The following ZNF296 variants were observed in gnomAD, a reference collection of about 807,000 sequenced individuals.
The protein encoded by ZNF296 is zinc finger protein 342.
Under a neutral mutation model 13.2 loss-of-function variants are expected in ZNF296, and 1 was observed. The ratio of observed to expected loss-of-function variants is 0.08; its 90% CI spans 0.03 to 0.36. The LOEUF is 0.36. ZNF296 is among the 10% of genes least tolerant of loss of function. ZNF296 has a pLI of 0.99. For missense variants in ZNF296, 555 were observed against 688.2 expected (o/e 0.81, Z 2.16); for synonymous variants, 303 against 289.0 (o/e 1.05, Z -0.49).
At position 45,076,200 on chromosome 19, in the gene ZNF296, C is replaced by A; in HGVS notation, c.174G>T (p.Ser58=). The A allele has an allele frequency of 6.6e-7, 1 of 1,506,116 alleles. No homozygotes were observed. 93.3% of individuals were successfully genotyped at this position (1,506,116 alleles called of 1,614,324 possible). ...LGPFSPKEVS[S]AGRFGGEPHH... The stretch of plus-strand genomic sequence containing the variant: ...GGGGTTCGCCGCCGAACCGCCCCGC[C>A]GAGGACACCTCCTTCGGGGAGAAGG... Residue 58 remains serine, a synonymous_variant, in exon 1 of 3, where the codon TCG becomes TCT. Coordinates refer to ENST00000303809, the MANE Select transcript of ZNF296 (RefSeq NM_145288.3). The surrounding 1 kb of genome is among the most constrained non-coding windows in gnomAD (Gnocchi z 4.9).
Position 45,075,750 on chromosome 19 carries a change from A to G in ZNF296, c.411T>C (p.Cys137=). 6.2e-7 allele frequency: 1 copy of G among 1,614,076 alleles called. No individual in the cohort carries two copies. Among genetic ancestry groups the G allele is most frequent in the Non-Finnish European group, 8.5e-7 (1 of 1,179,994 alleles). ...TAFMDHKKLG[C]QLFRGPSRGQ... ...CGCGGCTGGGGCCTCTGAAGAGCTG[A>G]CAGCCCAGCTTCTTGTGGTCCATGA... Residue 137 remains cysteine (C), a synonymous_variant, in exon 2 of 3, where the codon TGT becomes TGC. Transcript: ENST00000303809.
At chr19:45,072,815 G>T (rs941721409) in intron 2 of ZNF296, among the ~76,000 whole-genome samples, 1 of 152,056 alleles carries the variant, frequency 6.6e-6, no homozygotes, top group Admixed American at 6.6e-5. Flanking sequence ...AGGCTGGGGT[G>T]CAGTGGCACG....
chr19:45,073,902 A>G (rs962973014), intron 2 of ZNF296, among the ~76,000 whole-genome samples: 17 of 150,744 alleles, frequency 1.1e-4, no homozygotes, highest in Admixed American at 3.3e-4. Context: ...CGCGCCTGTA[A>G]TCCCGGCCAC....
chr19:45,075,324 T>TC (rs931065256), intron 2 of ZNF296, among the ~76,000 whole-genome samples: 3 of 151,432 alleles, frequency 2.0e-5, no homozygotes, highest in Admixed American at 2.0e-4. Flanking sequence ...CCACTCCCCC[T>TC]CCCCCCGGCC....
In ZNF296 at chr19:45,072,245, C is replaced by T. The variant is rs372577396; in HGVS notation, c.784G>A (p.Asp262Asn). 59 of 1,613,376 alleles carry T rather than the reference C, an allele frequency of 3.7e-5. No homozygotes were observed. The highest frequency in any genetic ancestry group is 7.7e-5 in the South Asian group (7 of 91,066). Residue 262 changes from aspartate to asparagine, a missense_variant, in exon 3 of 3, where the codon GAC becomes AAC. Transcript: ENST00000303809. ...TGGGCGCAGGCGTAGGGACACTGGT[C>T]GCAAGCATAGGGCCGCTCGCCTGTG... Reference protein sequence around the residue: ...SHTGERPYACDQCPYACAQSS... With the variant: ...SHTGERPYACNQCPYACAQSS...
chr19:45,075,195 C>G (rs2122635942), intron 2 of ZNF296, among the ~76,000 whole-genome samples: 1 of 152,322 alleles, frequency 6.6e-6, no homozygotes, highest in Middle Eastern at 3.4e-3. Context: ...GAGATTCCAT[C>G]ACCGAGGGAA....
Position 45,071,610 on chromosome 19 carries a change from G to C in ZNF296, c.1419C>G (p.Gly473=). Reference sequence around the variant, plus strand: ...GGGGGCTTTCCTGGGCTCAGGCCTCGCCGGCCGCCTCAGGGTGCTTCTGCC... The same window carrying C: ...GGGGGCTTTCCTGGGCTCAGGCCTCCCCGGCCGCCTCAGGGTGCTTCTGCC... The part of the protein sequence containing the change: ...HLRQKHPEAA[G]EA The change falls in exon 3 of 3, where the codon GGC becomes GGG. Residue 473 remains glycine, a synonymous_variant. Transcript: ENST00000303809. 6.6e-7 allele frequency: 1 copy of C among 1,515,108 alleles called. No homozygotes were observed. Among genetic ancestry groups the C allele is most frequent in the Non-Finnish European group, 8.8e-7 (1 of 1,138,910 alleles). The allele number at this position is 1,515,108 out of a possible 1,614,324, so 93.9% of individuals were successfully genotyped here.
chr19:45,075,718 C>T lies in ZNF296; in HGVS notation c.443G>A (p.Gly148Asp). The change falls in exon 2 of 3, where the codon GGC becomes GAC. Residue 148 changes from glycine to aspartate, a missense_variant. Physicochemically the swap from Gly to Asp is moderately conservative, Grantham distance 94. Around this residue, in one of 3 missense-constraint regions of ZNF296, gnomAD observed 410 missense variants for 548.0 expected, o/e 0.75. Transcript: ENST00000303809. Reference protein sequence around the residue: ...QLFRGPSRGQGSEREELKALS... With the variant: ...QLFRGPSRGQDSEREELKALS... ...CTGCACCCGGCTTTACTCACCTGAG[C>T]CCTGGCCGCGGCTGGGGCCTCTGAA... 1 of 1,613,906 alleles carries T rather than the reference C, an allele frequency of 6.2e-7. No homozygotes were observed.
chr19:45,072,906 C>T (rs571177001), intron 2 of ZNF296, among the ~76,000 whole-genome samples: 4 of 152,258 alleles, frequency 2.6e-5, no homozygotes, highest in African/African-American at 7.2e-5. Flanking sequence ...GGATTACAGG[C>T]GCCCGCCACC....
intron 2 of ZNF296, among the ~76,000 whole-genome samples, chr19:45,074,125 A>C (rs1034266532): frequency 6.6e-6 from 1 of 152,056 alleles, no homozygotes; most frequent in African/African-American, 2.4e-5. Context: ...TCAGGAGGCC[A>C]AGGCAGGTGG....
At chr19:45,075,444 G>C (rs752902944) in intron 2 of ZNF296, among the ~76,000 whole-genome samples, 3 of 152,164 alleles carry the variant, frequency 2.0e-5, no homozygotes, top group Non-Finnish European at 2.9e-5. Context: ...TGTGTGTTGG[G>C]GGGGGCAAAA....
chr19:45,075,694 T>G lies in ZNF296; in HGVS notation c.448+19A>C, dbSNP rs1401670129. 28 of 1,611,510 alleles carry G rather than the reference T, an allele frequency of 1.7e-5. No homozygotes were observed. The highest frequency in any genetic ancestry group is 2.4e-5 in the Non-Finnish European group (28 of 1,178,268). ...CAGCCCTCGAACTTGAGAGGGGGAC[T>G]GCACCCGGCTTTACTCACCTGAGCC... On this transcript the variant is annotated intron_variant, in intron 2 of 2. Coordinates refer to ENST00000303809, the MANE Select transcript of ZNF296 (RefSeq NM_145288.3).
Position 45,072,335 on chromosome 19 carries a change from T to G in ZNF296, c.694A>C (p.Thr232Pro). 1 of 1,612,806 alleles carries G rather than the reference T, an allele frequency of 6.2e-7. No homozygotes were observed. The highest frequency in any genetic ancestry group is 2.2e-5 in the East Asian group (1 of 44,874). ...SGSGLTRRSP[T>P]CPVCKKTLSS... Reference sequence around the variant, plus strand: ...AGGGTCTTCTTGCACACAGGACAGGTGGGGCTCCGCCGGGTGAGGCCGCTG... The same window carrying G: ...AGGGTCTTCTTGCACACAGGACAGGGGGGGCTCCGCCGGGTGAGGCCGCTG... Residue 232 changes from threonine to proline, a missense_variant, in exon 3 of 3, where the codon ACC becomes CCC. This residue lies in a region of ZNF296 where 410 missense variants were observed against 548.0 expected (regional missense o/e 0.75). Transcript: ENST00000303809.
Position 45,071,501 on chromosome 19 carries a change from A to AAAT in ZNF296, c.*97_*99dup. The AAAT allele has an allele frequency of 6.8e-7, 1 of 1,474,110 alleles. No individual in the cohort carries two copies. The highest frequency in any genetic ancestry group is 9.0e-7 in the Non-Finnish European group (1 of 1,114,216). 91.3% of individuals were successfully genotyped at this position (1,474,110 alleles called of 1,614,324 possible). A position where few individuals can be genotyped will look rare whatever the true frequency, so the allele number is the denominator to read the frequency against. On this transcript the variant is annotated 3_prime_UTR_variant, in exon 3 of 3. Transcript: ENST00000303809. ...AGAAAGCCAGAGTCCAGACGGGTGT[A>AAAT]AATAAAAGGGAAAATTTACTTGGAG... is the stretch of plus-strand genomic sequence containing the variant.
chr19:45,075,141 C>G (rs1259274960), intron 2 of ZNF296, among the ~76,000 whole-genome samples: 3 of 152,214 alleles, frequency 2.0e-5, no homozygotes, highest in African/African-American at 7.2e-5. Flanking sequence ...GTCCAGCACC[C>G]GGGAGCTCGC....
At chr19:45,073,122 A>T (rs753880517) in intron 2 of ZNF296, among the ~76,000 whole-genome samples, 1 of 152,186 alleles carries the variant, frequency 6.6e-6, no homozygotes, top group Non-Finnish European at 1.5e-5. Context: ...GTGCTGAGCC[A>T]TGGCTCATAG....
At position 45,071,989 on chromosome 19, in the gene ZNF296, G is replaced by A; in HGVS notation, c.1040C>T (p.Pro347Leu). The part of the protein sequence containing the change: ...GAPGSGAQAG[P>L]GGDTWGAITT... ...GATGGCTCCCCAAGTGTCTCCACCA[G>A]GGCCGGCTTGAGCCCCACTGCCAGG... Residue 347 changes from proline to leucine, a missense_variant, in exon 3 of 3, where the codon CCT (proline) becomes CTT (leucine). Physicochemically the swap from Pro to Leu is moderately conservative, Grantham distance 98 (BLOSUM62 -3). Around this residue, in one of 3 missense-constraint regions of ZNF296, gnomAD observed 410 missense variants for 548.0 expected, o/e 0.75. Coordinates refer to ENST00000303809, the MANE Select transcript of ZNF296 (RefSeq NM_145288.3). 1 of 1,613,352 alleles carries A rather than the reference G, an allele frequency of 6.2e-7. No homozygotes were observed.
chr19:45,076,446 A>C lies in ZNF296; in HGVS notation c.-73T>G, dbSNP rs893896270. On this transcript the variant is annotated 5_prime_UTR_variant, in exon 1 of 3. Transcript: ENST00000303809. This position sits in a 1 kb window ranked among gnomAD's most constrained non-coding sequence, Gnocchi z 4.9. ...CGGGCGGAGGACGCACGAGCGGAGGACGCGCGGACCGTGCGCGCTCAGGTG... is the reference window on the plus strand; with the variant it reads ...CGGGCGGAGGACGCACGAGCGGAGGCCGCGCGGACCGTGCGCGCTCAGGTG... 59 of 1,115,394 alleles carry C rather than the reference A, an allele frequency of 5.3e-5. No individual in the cohort carries two copies. The African/African-American group carries it at 9.1e-4, about 17-fold the overall frequency. The allele number at this position is 1,115,394 out of a possible 1,614,324, so 69.1% of individuals were successfully genotyped here.
rs780165376 is a variant in ZNF296 at position 45,076,384 on chromosome 19, C to T, written c.-11G>A. 6 of 1,289,572 alleles carry T rather than the reference C, an allele frequency of 4.7e-6. No homozygotes were observed. The Admixed American group carries it at 1.4e-4, about 30-fold the overall frequency. 79.9% of individuals were successfully genotyped at this position (1,289,572 alleles called of 1,614,324 possible). On this transcript the variant is annotated 5_prime_UTR_variant, in exon 1 of 3. Coordinates refer to ENST00000303809, the MANE Select transcript of ZNF296 (RefSeq NM_145288.3). This position sits in a 1 kb window ranked among gnomAD's most constrained non-coding sequence, Gnocchi z 4.9. Reference sequence around the variant, plus strand: ...CTTGCGGCGGGACATGAGTCGCGGGCCGGGCGAGCGAGCGGGCGGGCAGGC... The same window carrying T: ...CTTGCGGCGGGACATGAGTCGCGGGTCGGGCGAGCGAGCGGGCGGGCAGGC...
Sources: allele counts gnomAD v4.1 joint callset (sites outside exome capture counted in the v4.1 genomes callset), GRCh38; gene constraint gnomAD v4.1.1; regional missense constraint gnomAD v4.1.1; non-coding constraint Gnocchi (gnomAD v3.1); transcripts MANE v1.5; gene names NCBI Gene and HGNC (gene_info 2026-07-23, HGNC 2026-07-21).